The following RYR3 variants were observed in gnomAD, a reference collection of about 807,000 sequenced individuals.
RYR3 encodes the protein brain ryanodine receptor-calcium release channel.
A neutral mutation model predicts 584.3 loss-of-function variants in RYR3; 207 were observed. The observed-to-expected ratio is 0.35, with a 90% CI of 0.32 to 0.40. The LOEUF (loss-of-function observed/expected upper bound fraction) is 0.40, where lower values mean the gene tolerates loss of function less well. RYR3 is among the 10% of genes least tolerant of loss of function. RYR3 has a pLI of 1.00. For missense variants in RYR3, 5,616 were observed against 6,089.2 expected (o/e 0.92, Z 2.59); for synonymous variants, 2,416 against 2,248.5 (o/e 1.07, Z -2.11).
At chr15:33,650,994 A>G (rs967314687) in intron 31 of RYR3, among the ~76,000 whole-genome samples, 1 of 152,242 alleles carries the variant, frequency 6.6e-6, no homozygotes, top group African/African-American at 2.4e-5. Context: ...AGCCAGAAGA[A>G]AAGGCAGAAG....
chr15:33,645,726 CA>C (rs1258120923), intron 28 of RYR3, among the ~76,000 whole-genome samples: 1 of 152,142 alleles, frequency 6.6e-6, no homozygotes, highest in Non-Finnish European at 1.5e-5. Context: ...TTTCCCTCTC[CA>C]CACACAAATT....
chr15:33,738,429 G>A (rs1393555849), intron 49 of RYR3, 21 bp from the exon 50 acceptor site: 2 of 1,605,766 alleles, frequency 1.2e-6, no homozygotes, highest in Middle Eastern at 1.7e-4. Context: ...CCGCTGGTCT[G>A]TCCTGTTCTG....
At chr15:33,653,336 G>T (rs550106842) in intron 32 of RYR3, among the ~76,000 whole-genome samples, 1 of 152,208 alleles carries the variant, frequency 6.6e-6, no homozygotes, top group South Asian at 2.1e-4. Context: ...TTGCAAAAAG[G>T]TTATCCACAT....
At chr15:33,816,308 A>G (rs2076809409) in intron 74 of RYR3, among the ~76,000 whole-genome samples, 1 of 152,246 alleles carries the variant, frequency 6.6e-6, no homozygotes, top group Admixed American at 6.5e-5. Context: ...TCCATGCGGC[A>G]CACAGAAAAT....
chr15:33,801,419 C>T (rs746462042), intron 68 of RYR3, among the ~76,000 whole-genome samples: 1 of 152,104 alleles, frequency 6.6e-6, no homozygotes, highest in East Asian at 1.9e-4. Context: ...CAGGAAAAGA[C>T]CAGGAAAGGG....
intron 1 of RYR3, among the ~76,000 whole-genome samples, chr15:33,446,157 A>G (rs759548605): frequency 2.6e-5 from 4 of 152,168 alleles, no homozygotes; most frequent in Non-Finnish European, 5.9e-5. Flanking sequence ...AAATTCGTTT[A>G]ATTACCACTG....
intron 2 of RYR3, among the ~76,000 whole-genome samples, chr15:33,480,962 T>C (rs981647282): frequency 6.6e-6 from 1 of 152,246 alleles, no homozygotes; most frequent in African/African-American, 2.4e-5. Context: ...TGTCTCTCTT[T>C]AGTTCTGTCA....
intron 72 of RYR3, among the ~76,000 whole-genome samples, chr15:33,812,274 A>AT (rs900859952): frequency 1.6e-4 from 24 of 151,276 alleles, no homozygotes; most frequent in Non-Finnish European, 2.2e-4. Context: ...ACAAGCTCAT[A>AT]TTTTTTTTTG....
chr15:33,692,737 G>T (rs370898903), intron 38 of RYR3, among the ~76,000 whole-genome samples: 46 of 151,834 alleles, frequency 3.0e-4, no homozygotes, highest in African/African-American at 1.1e-3. Flanking sequence ...GGTGTTTGCT[G>T]CTTCATGCTT....
rs1014149996 is a variant in RYR3, at chr15:33,540,817, A to T, written c.573A>T (p.Ile191=). The change falls in exon 7 of 104, where the codon ATA becomes ATT. Residue 191 remains isoleucine (I), a synonymous_variant. Transcript: ENST00000634891. ...ATCTCTCAGTATCAAATGGTAACAT[A>T]CAAGTGGATGCCTCCTTTATGCAAA... ...YLHLSVSNGN[I]QVDASFMQTL... The T allele has an allele frequency of 2.5e-6, 4 of 1,611,508 alleles. No homozygotes were observed. In the Admixed American group the frequency reaches 6.7e-5, roughly 27 times the overall value.
chr15:33,317,214 T>C lies in RYR3; in HGVS notation c.51+6118T>C, dbSNP rs1047458906. Among the ~76,000 whole-genome samples the C allele has an allele frequency of 2.0e-5, 3 of 152,208 alleles. No individual in the cohort carries two copies. The East Asian group carries it at 5.8e-4, about 29-fold the overall frequency. On this transcript the variant is annotated intron_variant, in intron 1 of 103. Coordinates refer to ENST00000634891, the MANE Select transcript of RYR3 (RefSeq NM_001036.6). ...TTCTTTTATGAGCCCATTTTTTCTT[T>C]CGCTCAAAGCACTGGGGACCTGCTT...
chr15:33,731,510 A>T lies in RYR3; in HGVS notation c.7240A>T (p.Asn2414Tyr). The change falls in exon 48 of 104, where the codon AAT becomes TAT. Residue 2414 changes from asparagine to tyrosine, a missense_variant. This residue lies in a region of RYR3 where 1,280 missense variants were observed against 1,426.2 expected (regional missense o/e 0.90). Coordinates refer to ENST00000634891, the MANE Select transcript of RYR3 (RefSeq NM_001036.6). ...CACCACAGAGGCTGCGCTTGCACTAAATAGGTATATATGTTCTGCTGTGCT... is the reference window on the plus strand; with the variant it reads ...CACCACAGAGGCTGCGCTTGCACTATATAGGTATATATGTTCTGCTGTGCT... ...LSTTEAALALNRYICSAVLPL... is the reference protein window; with the variant it reads ...LSTTEAALALYRYICSAVLPL... 1 of 1,613,554 alleles carries T rather than the reference A, an allele frequency of 6.2e-7. No homozygotes were observed. The highest frequency in any genetic ancestry group is 8.5e-7 in the Non-Finnish European group (1 of 1,179,724).
At chr15:33,565,970 C>T (rs951961951) in intron 11 of RYR3, among the ~76,000 whole-genome samples, 1 of 152,216 alleles carries the variant, frequency 6.6e-6, no homozygotes, top group Non-Finnish European at 1.5e-5. Context: ...TGCCAATTCC[C>T]TACATGTAAA....
At chr15:33,646,670 G>C in intron 29 of RYR3, 144 bp downstream of exon 29, 4 of 712,112 alleles carry the variant, frequency 5.6e-6, no homozygotes, top group Non-Finnish European at 9.1e-6. Context: ...AAATGAGAAT[G>C]TATGTGCACG....
chr15:33,556,834 A>C (rs2057098030), intron 10 of RYR3, among the ~76,000 whole-genome samples: 1 of 151,976 alleles, frequency 6.6e-6, no homozygotes, highest in South Asian at 2.1e-4. Flanking sequence ...AACCATCCCT[A>C]ACTCCCCGGT....
chr15:33,801,730 G>A, intron 68 of RYR3, 139 bp from the exon 69 acceptor site: 1 of 609,236 alleles, frequency 1.6e-6, no homozygotes, highest in South Asian at 2.1e-5. Flanking sequence ...ATAATGGAAT[G>A]AATTAGTTTT....
chr15:33,824,854 T>G (rs980308365), intron 81 of RYR3, among the ~76,000 whole-genome samples: 1 of 152,136 alleles, frequency 6.6e-6, no homozygotes, highest in Non-Finnish European at 1.5e-5. Context: ...ACTCCGTTAG[T>G]AAAATGGAAT....
Position 33,838,271 on chromosome 15 carries a change from G to A in RYR3, c.12291G>A (p.Gln4097=), listed in dbSNP as rs764821641. 1.9e-6 allele frequency: 3 copies of A among 1,614,032 alleles called. No individual in the cohort carries two copies. The highest frequency in any genetic ancestry group is 2.2e-5 in the East Asian group (1 of 44,888). Residue 4097 remains glutamine, a synonymous_variant, in exon 89 of 104, where the codon CAG becomes CAA. Coordinates refer to ENST00000634891, the MANE Select transcript of RYR3 (RefSeq NM_001036.6). ...NFCEDTIFEM[Q]LASQISESDS... is the part of the protein sequence containing the mutation. ...GTGAGGACACCATCTTTGAAATGCAGTTAGCATCTCAGATCTCTGAATCCG... is the reference window on the plus strand; with the variant it reads ...GTGAGGACACCATCTTTGAAATGCAATTAGCATCTCAGATCTCTGAATCCG...
intron 59 of RYR3, 31 bp from the exon 60 acceptor site, chr15:33,757,444 C>A: frequency 6.3e-7 from 1 of 1,587,326 alleles, no homozygotes; most frequent in Non-Finnish European, 8.6e-7. Context: ...TGGATAGCTT[C>A]CTAGAAGTTG....
Sources: allele counts gnomAD v4.1 joint callset (sites outside exome capture counted in the v4.1 genomes callset), GRCh38; gene constraint gnomAD v4.1.1; regional missense constraint gnomAD v4.1.1; transcripts MANE v1.5; gene names NCBI Gene and HGNC (gene_info 2026-07-23, HGNC 2026-07-21).